RBFOX1: variants seen among roughly 807,000 people sequenced by gnomAD.
RBFOX1 encodes the protein RNA binding protein fox-1 homolog 1.
In RBFOX1, 8 loss-of-function variants were observed where a neutral mutation model predicts 57.7. That is an observed-to-expected ratio of 0.14 (90% CI 0.08 to 0.25). The LOEUF (loss-of-function observed/expected upper bound fraction) is 0.25, where lower values mean the gene tolerates loss of function less well. Among genes scored for constraint, RBFOX1 ranks in the 10% least tolerant of loss-of-function variants. The pLI is 1.00. For missense variants in RBFOX1, 611 were observed against 548.5 expected, an observed-to-expected ratio of 1.11 and a Z score of -1.14; for synonymous variants, 326 against 222.4, an observed-to-expected ratio of 1.47 and a Z score of -4.15.
intron 4 of RBFOX1, among the ~76,000 whole-genome samples, chr16:7,498,286 A>G (rs2151751795): frequency 6.6e-6 from 1 of 152,298 alleles, no homozygotes; most frequent in African/African-American, 2.4e-5. Context: ...TGGTGGCTTC[A>G]AATTTAAATA....
chr16:6,231,371 C>G (rs1442691257), intron 1 of RBFOX1, among the ~76,000 whole-genome samples: 1 of 152,068 alleles, frequency 6.6e-6, no homozygotes, highest in Non-Finnish European at 1.5e-5. Flanking sequence ...GACTCTCTAG[C>G]TCTTCTCATT....
At chr16:5,998,993 G>A (rs142458968) in intron 4 of RBFOX1, among the ~76,000 whole-genome samples, 2 of 152,266 alleles carry the variant, frequency 1.3e-5, no homozygotes, top group African/African-American at 4.8e-5. Flanking sequence ...TGGATGAACT[G>A]TTATGGGAAA....
At chr16:6,668,900 G>A (rs902156984) in intron 3 of RBFOX1, among the ~76,000 whole-genome samples, 1 of 152,184 alleles carries the variant, frequency 6.6e-6, no homozygotes, top group Admixed American at 6.5e-5. Context: ...CAAGCACAGA[G>A]CTATTTTTCA....
At chr16:7,683,010 G>GTGTGTATATATATATATATATATATATA in intron 14 of RBFOX1, among the ~76,000 whole-genome samples, 1 of 4,902 alleles carries the variant, frequency 2.0e-4, no homozygotes, top group East Asian at 5.1e-3. Context: ...GTGTGTGTGT[G>GTGTGTATATATATATATATATATATATA]TATATATATA....
intron 4 of RBFOX1, among the ~76,000 whole-genome samples, chr16:7,150,016 T>C (rs978485716): frequency 6.6e-6 from 1 of 152,182 alleles, no homozygotes; most frequent in Admixed American, 6.5e-5. Flanking sequence ...ACCTCTGTTC[T>C]GACTCAACAG....
At chr16:5,578,384 G>T (rs1461748913) in intron 2 of RBFOX1, among the ~76,000 whole-genome samples, 1 of 152,146 alleles carries the variant, frequency 6.6e-6, no homozygotes, top group Non-Finnish European at 1.5e-5. Context: ...AGGAAGGGTG[G>T]AGTGGAGAAA....
At chr16:5,288,348 A>G (rs1352540347) in intron 1 of RBFOX1, among the ~76,000 whole-genome samples, 1 of 152,068 alleles carries the variant, frequency 6.6e-6, no homozygotes, top group Admixed American at 6.6e-5. Context: ...AGCTGTGTCT[A>G]TGTTGGGGGC....
chr16:6,210,358 C>CAAAAAAAAAAAAAAAAAAAA (rs1567684381), intron 1 of RBFOX1, among the ~76,000 whole-genome samples: 1 of 96,686 alleles, frequency 1.0e-5, no homozygotes, highest in Non-Finnish European at 2.0e-5. Flanking sequence ...AAAAAAAAAA[C>CAAAAAAAAAAAAAAAAAAAA]ACCAAAAAAA....
chr16:5,837,485 C>T (rs1395779194), intron 3 of RBFOX1, among the ~76,000 whole-genome samples: 1 of 152,092 alleles, frequency 6.6e-6, no homozygotes, highest in Non-Finnish European at 1.5e-5. Flanking sequence ...CTCAGCCACC[C>T]TCTGCCCTCC....
At chr16:7,178,161 T>G (rs1013954138) in intron 4 of RBFOX1, among the ~76,000 whole-genome samples, 4 of 152,206 alleles carry the variant, frequency 2.6e-5, no homozygotes, top group African/African-American at 9.7e-5. Context: ...AAAAACATGT[T>G]TATTCCTTGC....
chr16:7,379,431 C>T (rs1229961812), intron 4 of RBFOX1, among the ~76,000 whole-genome samples: 1 of 152,092 alleles, frequency 6.6e-6, no homozygotes, highest in Non-Finnish European at 1.5e-5. Context: ...TACTAGAAAG[C>T]AGTGGGAATG....
intron 1 of RBFOX1, among the ~76,000 whole-genome samples, chr16:6,176,302 T>C (rs149016793): frequency 0.11 from 16,437 of 146,404 alleles, 1,752 homozygotes; most frequent in African/African-American, 0.28. Flanking sequence ...CCCACCGCCA[T>C]GCCTGACCAA....
intron 3 of RBFOX1, among the ~76,000 whole-genome samples, chr16:6,928,913 G>C (rs1438201988): frequency 2.6e-5 from 4 of 152,116 alleles, no homozygotes; most frequent in African/African-American, 7.2e-5. Flanking sequence ...AGCATCAGTT[G>C]TCAGATATGG....
rs766185075 is a variant in RBFOX1, at chr16:5,376,831, C to G, written c.220-90385C>G. The stretch of plus-strand genomic sequence containing the variant: ...ATAAAGTCCCCAGTAGCAGCCTCAG[C>G]CAGTGATGTTGCCCCATGGCAGGGG... On this transcript the variant is annotated intron_variant, in intron 1 of 2. Transcript: ENST00000585867. Among the ~76,000 whole-genome samples, 9 of 150,382 alleles carry G rather than the reference C, an allele frequency of 6.0e-5. 1 individual carries two copies. Among genetic ancestry groups the G allele is most frequent in the African/African-American group, 2.2e-4 (9 of 40,346 alleles).
intron 3 of RBFOX1, among the ~76,000 whole-genome samples, chr16:5,755,874 AG>A (rs1373863412): frequency 6.6e-6 from 1 of 152,184 alleles, no homozygotes; most frequent in Non-Finnish European, 1.5e-5. Context: ...CTGGAATTAC[AG>A]GCGTGAGCTC....
chr16:5,365,990 G>C, intron 1 of RBFOX1: 1 of 499,796 alleles, frequency 2.0e-6, no homozygotes, highest in Non-Finnish European at 4.0e-6. Flanking sequence ...CAGAGGCAGT[G>C]AATTAGAAGG....
intron 2 of RBFOX1, among the ~76,000 whole-genome samples, chr16:6,588,725 G>T (rs890547783): frequency 2.8e-4 from 42 of 152,126 alleles, no homozygotes; most frequent in Non-Finnish European, 5.1e-4. Flanking sequence ...TACAAAGTTA[G>T]TCTTGGACCA....
intron 4 of RBFOX1, among the ~76,000 whole-genome samples, chr16:7,144,417 C>CTTTTTTTTTTTTT (rs1190886141): frequency 9.0e-5 from 6 of 66,912 alleles, no homozygotes; most frequent in Non-Finnish European, 1.0e-4. Context: ...TTTCTTTCTT[C>CTTTTTTTTTTTTT]TTTTTTTTTT....
chr16:7,237,055 C>T (rs904731896), intron 4 of RBFOX1, among the ~76,000 whole-genome samples: 1 of 152,186 alleles, frequency 6.6e-6, no homozygotes, highest in Non-Finnish European at 1.5e-5. Context: ...GAGAGGAATT[C>T]AGGAGAGGTA....
Sources: allele counts gnomAD v4.1 joint callset (sites outside exome capture counted in the v4.1 genomes callset), GRCh38; gene constraint gnomAD v4.1.1; transcripts MANE v1.5; gene names NCBI Gene and HGNC (gene_info 2026-07-23, HGNC 2026-07-21).